CCDC85C: variants seen among roughly 807,000 people sequenced by gnomAD.
CCDC85C encodes coiled-coil domain containing 85C, also known as coiled-coil domain-containing protein 85C.
A neutral mutation model predicts 38.3 loss-of-function variants in CCDC85C; 18 were observed. The ratio of observed to expected loss-of-function variants is 0.47; its 90% CI spans 0.33 to 0.70. CCDC85C has a LOEUF of 0.70. Ranked by LOEUF, CCDC85C falls within the 30% of genes least tolerant of loss-of-function variation. The pLI is 0.03. For missense variants in CCDC85C, 566 were observed against 621.2 expected (o/e 0.91, Z 0.94); for synonymous variants, 264 against 293.8 (o/e 0.90, Z 1.04).
At chr14:99,537,552 C>T (rs919869550) in intron 1 of CCDC85C, among the ~76,000 whole-genome samples, 2 of 152,168 alleles carry the variant, frequency 1.3e-5, no homozygotes, top group South Asian at 2.1e-4. Flanking sequence ...GAGCCCGGCC[C>T]GGCCGCACTC....
intron 1 of CCDC85C, among the ~76,000 whole-genome samples, chr14:99,568,583 G>A (rs1289698451): frequency 6.6e-6 from 1 of 152,136 alleles, no homozygotes; most frequent in African/African-American, 2.4e-5. Context: ...CAGGAAAGAC[G>A]TGGCCGCTGG....
chr14:99,600,585 G>A (rs974257032), intron 1 of CCDC85C, among the ~76,000 whole-genome samples: 1 of 152,196 alleles, frequency 6.6e-6, no homozygotes, highest in African/African-American at 2.4e-5. Flanking sequence ...GCCTGAACAC[G>A]AGATGATCAT....
chr14:99,575,862 AC>A (rs1898464126), intron 1 of CCDC85C, among the ~76,000 whole-genome samples: 1 of 152,116 alleles, frequency 6.6e-6, no homozygotes, highest in South Asian at 2.1e-4. Context: ...ACACGGACTA[AC>A]CCCCACAGAC....
chr14:99,506,881 G>A lies in CCDC85C; in HGVS notation c.*8365C>T, dbSNP rs1183847299. The A allele has an allele frequency of 1.8e-6, 1 of 562,074 alleles. No individual in the cohort carries two copies. Among genetic ancestry groups the A allele is most frequent in the East Asian group, 3.0e-5 (1 of 33,174 alleles). The allele number at this position is 562,074 out of a possible 1,614,324, so 34.8% of individuals were successfully genotyped here. ...GTGGGAAGCTCGCAGGTCTTTTGGA[G>A]GGAGGTGGCATTTAATTTGTTAACA... On this transcript the variant is annotated 3_prime_UTR_variant, in exon 6 of 6. Transcript: ENST00000380243.
Position 99,520,630 on chromosome 14 carries a change from C to T in CCDC85C, c.975+1503G>A, listed in dbSNP as rs1036024901. ...CCGCCGACCAGCCCTGATCATGGCC[C>T]CTGAACCTCAGTTTATCACCCGGCC... On this transcript the variant is annotated intron_variant, in intron 3 of 5. Transcript: ENST00000380243. This position sits in a 1 kb window ranked among gnomAD's most constrained non-coding sequence, Gnocchi z 4.1. 6.6e-6 allele frequency among the ~76,000 whole-genome samples: 1 copy of T among 152,122 alleles called. No individual in the cohort carries two copies. Among genetic ancestry groups the T allele is most frequent in the Admixed American group, 6.5e-5 (1 of 15,282 alleles).
intron 1 of CCDC85C, among the ~76,000 whole-genome samples, chr14:99,568,175 G>A (rs959289084): frequency 4.2e-4 from 64 of 151,442 alleles, no homozygotes; most frequent in Non-Finnish European, 8.2e-4. Context: ...CCGTATTGGG[G>A]AACAAATTCA....
At chr14:99,526,127 C>T (rs1226293300) in intron 2 of CCDC85C, among the ~76,000 whole-genome samples, 1 of 152,222 alleles carries the variant, frequency 6.6e-6, no homozygotes, top group Non-Finnish European at 1.5e-5. Context: ...AGGCCTCCCC[C>T]AGCCCAGACT....
Position 99,507,181 on chromosome 14 carries a change from G to T in CCDC85C, c.*8065C>A. 7.7e-7 allele frequency: 1 copy of T among 1,290,722 alleles called. No individual in the cohort carries two copies. The allele number at this position is 1,290,722 out of a possible 1,614,324, so 80.0% of individuals were successfully genotyped here. A position where few individuals can be genotyped will look rare whatever the true frequency, so the allele number is the denominator to read the frequency against. On this transcript the variant is annotated 3_prime_UTR_variant, in exon 6 of 6. Coordinates refer to ENST00000380243, the MANE Select transcript of CCDC85C (RefSeq NM_001144995.2). ...CTGCTGAAGCAGCTTGGCCAGCTGT[G>T]CACATCGCCTCTGAATGTTGGACGC... is the stretch of plus-strand genomic sequence containing the variant.
chr14:99,502,822 A>T lies in CCDC85C; in HGVS notation c.*12424T>A. The T allele has an allele frequency of 6.2e-7, 1 of 1,613,404 alleles. No individual in the cohort carries two copies. Among genetic ancestry groups the T allele is most frequent in the South Asian group, 1.1e-5 (1 of 91,040 alleles). On this transcript the variant is annotated 3_prime_UTR_variant, in exon 6 of 6. Coordinates refer to ENST00000380243, the MANE Select transcript of CCDC85C (RefSeq NM_001144995.2). ...AGCCCCCATCTCTTCAGCCTACACC[A>T]CAAGTGCCGCAAGTACAGCAGTCAC... is the stretch of plus-strand genomic sequence containing the variant.
intron 1 of CCDC85C, among the ~76,000 whole-genome samples, chr14:99,579,562 C>A (rs1255509935): frequency 6.6e-6 from 1 of 152,270 alleles, no homozygotes; most frequent in Non-Finnish European, 1.5e-5. Context: ...TCACTCCCAA[C>A]TCTTCCTGGA....
At chr14:99,536,241 G>C (rs542469770) in intron 1 of CCDC85C, among the ~76,000 whole-genome samples, 153 bp from the exon 2 acceptor site, 1 of 152,060 alleles carries the variant, frequency 6.6e-6, no homozygotes, top group Non-Finnish European at 1.5e-5. Flanking sequence ...CCGAGCCCTC[G>C]CCCGCCCTGT....
chr14:99,579,964 G>C (rs1246180228), intron 1 of CCDC85C: 1 of 441,250 alleles, frequency 2.3e-6, no homozygotes, highest in Non-Finnish European at 4.6e-6. Context: ...GGCCAGGGTA[G>C]GGCATTAATC....
chr14:99,536,135 C>T (rs955936111), intron 1 of CCDC85C, 47 bp from the exon 2 acceptor site: 42 of 1,372,690 alleles, frequency 3.1e-5, no homozygotes, highest in Admixed American at 5.9e-5. Flanking sequence ...CAGCAGACTC[C>T]ATCCCCATTG....
chr14:99,582,928 A>T (rs1048657945), intron 1 of CCDC85C: 3 of 152,248 alleles, frequency 2.0e-5, no homozygotes, highest in African/African-American at 7.2e-5. Context: ...AAGACCAGTT[A>T]AGAAGTTAAT....
chr14:99,584,247 T>A (rs1413448383), intron 1 of CCDC85C, among the ~76,000 whole-genome samples: 2 of 152,250 alleles, frequency 1.3e-5, no homozygotes, highest in Admixed American at 6.5e-5. Flanking sequence ...AAATCATAAT[T>A]TTGAGCATTA....
chr14:99,539,852 A>T (rs1897676586), intron 1 of CCDC85C, among the ~76,000 whole-genome samples: 1 of 152,176 alleles, frequency 6.6e-6, no homozygotes, highest in Admixed American at 6.5e-5. Context: ...TCCTTCTTTC[A>T]GAAAAAAAGA....
intron 1 of CCDC85C, 145 bp from the exon 2 acceptor site, chr14:99,536,233 G>A (rs899181339): frequency 7.4e-6 from 5 of 675,330 alleles, no homozygotes; most frequent in South Asian, 3.4e-5. Context: ...CAGCCCCTCC[G>A]AGCCCTCGCC....
chr14:99,503,557 T>C lies in CCDC85C; in HGVS notation c.*11689A>G, dbSNP rs1045402449. On this transcript the variant is annotated 3_prime_UTR_variant, in exon 6 of 6. Transcript: ENST00000380243. Reference sequence around the variant, plus strand: ...GGTGGTACCTGGATAATCCATTTTTTTCTCATCATACTCAGGATCCCAGTT... The same window carrying C: ...GGTGGTACCTGGATAATCCATTTTTCTCTCATCATACTCAGGATCCCAGTT... 84 of 1,477,898 alleles carry C rather than the reference T, an allele frequency of 5.7e-5. No homozygotes were observed. Among genetic ancestry groups the C allele is most frequent in the Non-Finnish European group, 7.5e-5 (81 of 1,085,966 alleles). 91.5% of individuals were successfully genotyped at this position (1,477,898 alleles called of 1,614,324 possible).
At chr14:99,591,408 GC>G (rs2055084664) in intron 1 of CCDC85C, among the ~76,000 whole-genome samples, 1 of 152,262 alleles carries the variant, frequency 6.6e-6, no homozygotes, top group African/African-American at 2.4e-5. Flanking sequence ...TCCTCCAAGA[GC>G]CTGGCCTGGG....
Sources: gnomAD v4.1 joint callset for allele counts (sites outside exome capture counted in the v4.1 genomes callset) on GRCh38, gnomAD v4.1.1 for gene constraint, Gnocchi (gnomAD v3.1) non-coding constraint, MANE v1.5 for transcripts, NCBI Gene and HGNC (gene_info 2026-07-23, HGNC 2026-07-21) for gene names.